MICAL2: variants seen among roughly 807,000 people sequenced by gnomAD.
MICAL2 encodes the protein microtubule associated monooxygenase, calponin and LIM domain containing 2.
In MICAL2, 77 loss-of-function variants were observed where a neutral mutation model predicts 127.3. That is an observed-to-expected ratio of 0.60 (90% confidence interval 0.50 to 0.73). The LOEUF (loss-of-function observed/expected upper bound fraction) is 0.73, where lower values mean the gene tolerates loss of function less well. Among genes scored for constraint, MICAL2 ranks in the 30% least tolerant of loss-of-function variants. The pLI, the probability that MICAL2 is intolerant of heterozygous loss-of-function variation, is 0.00. For missense variants in MICAL2, 1,351 were observed against 1,434.4 expected (o/e 0.94, Z 0.94); for synonymous variants, 570 against 551.1 (o/e 1.03, Z -0.48).
chr11:12,272,153 C>G (rs1325073470), upstream of MICAL2, among the ~76,000 whole-genome samples: 1 of 152,302 alleles, frequency 6.6e-6, no homozygotes, highest in African/African-American at 2.4e-5. Context: ...GGTCTGGGCT[C>G]TGAGGCGTGG....
At chr11:12,230,718 C>CCT (rs1554991864) in intron 15 of MICAL2, among the ~76,000 whole-genome samples, 4 of 151,442 alleles carry the variant, frequency 2.6e-5, no homozygotes, top group African/African-American at 9.8e-5. Flanking sequence ...CTTCTTTCCC[C>CCT]CCCCATCTTA....
In MICAL2 at chr11:12,209,522, C is replaced by G. The variant is rs766948713; in HGVS notation, c.615C>G (p.Leu205=). ...NQKIGWRAEF[L]PTDHSLSEFE... ...AAATTGGCTGGCGGGCAGAATTTCTCCCTACAGACCATTCTCTGTCGGAGT... is the reference window on the plus strand; with the variant it reads ...AAATTGGCTGGCGGGCAGAATTTCTGCCTACAGACCATTCTCTGTCGGAGT... The change falls in exon 6 of 28, where the codon CTC becomes CTG. Residue 205 remains leucine, a synonymous_variant. Coordinates refer to ENST00000683283, the MANE Select transcript of MICAL2 (RefSeq NM_001282663.2). 3.1e-6 allele frequency: 5 copies of G among 1,614,010 alleles called. No homozygotes were observed. The highest frequency in any genetic ancestry group is 1.3e-5 in the African/African-American group (1 of 74,920).
rs780466055 is a variant in MICAL2 at position 12,262,483 on chromosome 11, A to G, written c.3338A>G (p.His1113Arg). 1 of 1,613,562 alleles carries G rather than the reference A, an allele frequency of 6.2e-7. No homozygotes were observed. The highest frequency in any genetic ancestry group is 8.5e-7 in the Non-Finnish European group (1 of 1,179,960). The change falls in exon 27 of 28, where the codon CAT (histidine) becomes CGT (arginine). Residue 1113 changes from histidine to arginine, a missense_variant. By Grantham distance (29) the His-to-Arg change is conservative (BLOSUM62 0). Around this residue, in one of 2 missense-constraint regions of MICAL2, gnomAD observed 752 missense variants for 719.4 expected, o/e 1.05. Transcript: ENST00000683283. ...IGTLEGSPPV[H>R]FSLPVLHPLL... Reference sequence around the variant, plus strand: ...AATCTTACGCCATGGCCATCAGTTCATTTCAGCCTTCCAGTGCTACACCCA... The same window carrying G: ...AATCTTACGCCATGGCCATCAGTTCGTTTCAGCCTTCCAGTGCTACACCCA...
At chr11:12,323,273 G>T (rs1401486522) in intron 30 of MICAL2, among the ~76,000 whole-genome samples, 1 of 152,242 alleles carries the variant, frequency 6.6e-6, no homozygotes, top group East Asian at 1.9e-4. Flanking sequence ...TGCTATAATT[G>T]TATAAACAAA....
At chr11:12,333,065 C>T (rs1248083836) in intron 32 of MICAL2, among the ~76,000 whole-genome samples, 1 of 152,034 alleles carries the variant, frequency 6.6e-6, no homozygotes, top group Non-Finnish European at 1.5e-5. Context: ...ATTGAACAAA[C>T]GTATTAATGA....
intron 1 of MICAL2, among the ~76,000 whole-genome samples, chr11:12,111,341 C>T (rs926742026): frequency 2.0e-5 from 3 of 152,322 alleles, no homozygotes; most frequent in African/African-American, 7.2e-5. Context: ...TCCCCAGTAG[C>T]CCGCTCTCGC....
chr11:12,226,942 C>T, intron 14 of MICAL2, 83 bp from the exon 15 acceptor site: 1 of 1,098,314 alleles, frequency 9.1e-7, no homozygotes, highest in Non-Finnish European at 1.4e-6. Flanking sequence ...CGTGAGCCAC[C>T]ACACCCAGCC....
At chr11:12,142,723 A>G (rs770098315) in intron 2 of MICAL2, among the ~76,000 whole-genome samples, 5 of 152,234 alleles carry the variant, frequency 3.3e-5, no homozygotes, top group Non-Finnish European at 5.9e-5. Flanking sequence ...TCCTCATAGC[A>G]GCTCTCTGAG....
intron 1 of MICAL2, among the ~76,000 whole-genome samples, chr11:12,135,148 C>T (rs933564913): frequency 6.6e-6 from 1 of 152,216 alleles, no homozygotes; most frequent in Non-Finnish European, 1.5e-5. Context: ...GTCCTATACC[C>T]TCCTTTTTGG....
intron 2 of MICAL2, among the ~76,000 whole-genome samples, chr11:12,154,384 G>A (rs1223621023): frequency 6.6e-6 from 1 of 152,140 alleles, no homozygotes; most frequent in Non-Finnish European, 1.5e-5. Flanking sequence ...TCCTGTTGTT[G>A]AGATGGACAG....
intron 3 of MICAL2, chr11:12,197,928 A>G (rs1171656721): frequency 6.6e-6 from 1 of 152,152 alleles, no homozygotes; most frequent in East Asian, 1.9e-4. Context: ...ACCTTTTTCC[A>G]TTTTATTTCT....
intron 1 of MICAL2, among the ~76,000 whole-genome samples, chr11:12,128,646 G>C (rs937648603): frequency 7.9e-5 from 12 of 152,202 alleles, no homozygotes; most frequent in Non-Finnish European, 1.8e-4. Context: ...AGACACTGTG[G>C]GTGAAACAGT....
At chr11:12,243,472 T>A (rs1455125127) in intron 20 of MICAL2, 1 of 158,414 alleles carries the variant, frequency 6.3e-6, no homozygotes, top group African/African-American at 2.4e-5. Context: ...TCCACTGTTT[T>A]CACTTAGTCT....
intron 32 of MICAL2, among the ~76,000 whole-genome samples, chr11:12,347,452 C>G (rs1384607322): frequency 6.6e-6 from 1 of 152,096 alleles, no homozygotes; most frequent in African/African-American, 2.4e-5. Context: ...GTACCTAAGG[C>G]AATACCAACA....
intron 4 of MICAL2, among the ~76,000 whole-genome samples, chr11:12,205,539 T>C (rs993061712): frequency 6.6e-6 from 1 of 152,184 alleles, no homozygotes; most frequent in South Asian, 2.1e-4. Context: ...GATGATTGTA[T>C]AGCAATAGTG....
downstream of MICAL2, among the ~76,000 whole-genome samples, chr11:12,360,773 G>A (rs1939194573): frequency 6.6e-6 from 1 of 152,222 alleles, no homozygotes; most frequent in Non-Finnish European, 1.5e-5. Flanking sequence ...TTCACAGGCT[G>A]TGCTCTGTGG....
At chr11:12,321,576 C>T (rs1864297063) in intron 30 of MICAL2, among the ~76,000 whole-genome samples, 1 of 152,192 alleles carries the variant, frequency 6.6e-6, no homozygotes, top group African/African-American at 2.4e-5. Flanking sequence ...TCTTCCCTAG[C>T]CCTTAGCGTC....
At chr11:12,288,268 C>G (rs951537073), downstream of MICAL2, among the ~76,000 whole-genome samples, 12 of 152,238 alleles carry the variant, frequency 7.9e-5, no homozygotes, top group African/African-American at 2.9e-4. Flanking sequence ...CTTTACTGCC[C>G]TGCTCTGGCC....
intron 29 of MICAL2, among the ~76,000 whole-genome samples, chr11:12,315,703 A>G (rs1330982454): frequency 6.6e-6 from 1 of 152,196 alleles, no homozygotes; most frequent in East Asian, 1.9e-4. Context: ...GCGCTTTCAA[A>G]TAATCTGTTG....
Sources: allele counts gnomAD v4.1 joint callset (sites outside exome capture counted in the v4.1 genomes callset), GRCh38; gene constraint gnomAD v4.1.1; regional missense constraint gnomAD v4.1.1; transcripts MANE v1.5; gene names NCBI Gene and HGNC (gene_info 2026-07-23, HGNC 2026-07-21).